The following CHODL variants were observed in gnomAD, a reference collection of about 807,000 sequenced individuals.
The protein encoded by CHODL is transmembrane protein MT75.
In CHODL, 29 loss-of-function variants were observed where a neutral mutation model predicts 34.5. The observed-to-expected ratio is 0.84, with a 90% CI of 0.63 to 1.15. The LOEUF (loss-of-function observed/expected upper bound fraction) is 1.15, where lower values mean the gene tolerates loss of function less well. Among genes scored for constraint, CHODL ranks in the 50% most tolerant of loss-of-function variants. The pLI is 0.00. For missense variants in CHODL, 332 were observed against 332.5 expected (o/e 1.00, Z 0.01); for synonymous variants, 125 against 116.1 (o/e 1.08, Z -0.49).
intron 2 of CHODL, among the ~76,000 whole-genome samples, chr21:18,059,435 C>T (rs989538865): frequency 6.8e-4 from 103 of 151,650 alleles, no homozygotes; most frequent in African/African-American, 2.4e-3. Flanking sequence ...CAGATGTCAG[C>T]TTTTTCATTT....
At chr21:18,013,772 C>A (rs2064043964) in intron 1 of CHODL, among the ~76,000 whole-genome samples, 1 of 151,242 alleles carries the variant, frequency 6.6e-6, no homozygotes, top group African/African-American at 2.4e-5. Context: ...GTAGCTGGGA[C>A]TACAGGCGTG....
chr21:18,194,736 C>CGT (rs1184473127), intron 2 of CHODL, among the ~76,000 whole-genome samples: 1 of 151,932 alleles, frequency 6.6e-6, no homozygotes, highest in African/African-American at 2.4e-5. Context: ...TATCTATCAC[C>CGT]TTACATACTT....
At chr21:18,231,181 T>G (rs934846212) in intron 2 of CHODL, among the ~76,000 whole-genome samples, 1 of 152,128 alleles carries the variant, frequency 6.6e-6, no homozygotes, top group Non-Finnish European at 1.5e-5. Context: ...CTAGTCAATG[T>G]TATAACAAAG....
At chr21:18,182,341 A>AG (rs1484148956) in intron 2 of CHODL, among the ~76,000 whole-genome samples, 1 of 152,246 alleles carries the variant, frequency 6.6e-6, no homozygotes, top group Non-Finnish European at 1.5e-5. Context: ...GCCTGGCTCT[A>AG]GCTGGCTCTA....
At chr21:18,240,564 G>A (rs1444407466), upstream of CHODL, among the ~76,000 whole-genome samples, 1 of 152,108 alleles carries the variant, frequency 6.6e-6, no homozygotes, top group African/African-American at 2.4e-5. Context: ...AGGCAAAGAT[G>A]ACTTTAGCTT....
intron 1 of CHODL, among the ~76,000 whole-genome samples, chr21:17,975,525 A>G (rs1028743333): frequency 1.5e-4 from 23 of 152,108 alleles, no homozygotes; most frequent in African/African-American, 5.6e-4. Context: ...ATTTTTCTAC[A>G]TCATACCATG....
At chr21:17,991,486 ATAG>A (rs1461795885) in intron 1 of CHODL, among the ~76,000 whole-genome samples, 3 of 151,842 alleles carry the variant, frequency 2.0e-5, no homozygotes, top group Non-Finnish European at 4.4e-5. Context: ...TGTCTTTTTG[ATAG>A]TAGCCATGCC....
In CHODL at chr21:18,070,025, T is replaced by TTCCCTTCCC. The variant is rs1555860424; in HGVS notation, c.-45+42054_-45+42055insTCCCTTCCC. ...TTCCCTTCCCTTCCCTTCCCTTCCC[T>TTCCCTTCCC]CCCCCCCCCCACCCATTTCCTTTGC... On this transcript the variant is annotated intron_variant, in intron 2 of 6. Coordinates refer to the CHODL transcript ENST00000400127. Among the ~76,000 whole-genome samples the TTCCCTTCCC allele has an allele frequency of 1.8e-3, 52 of 29,088 alleles. 1 individual carries two copies. The highest frequency in any genetic ancestry group is 4.2e-3 in the Non-Finnish European group (42 of 9,902). 19.1% of individuals were successfully genotyped at this position (29,088 alleles called of 152,430 possible).
intron 1 of CHODL, among the ~76,000 whole-genome samples, chr21:17,998,755 A>G (rs1474325966): frequency 1.3e-4 from 20 of 152,178 alleles, no homozygotes; most frequent in Admixed American, 1.2e-3. Context: ...ATAGAGCACC[A>G]TGTCTCTAGG....
At chr21:18,102,341 C>G (rs1457554011) in intron 2 of CHODL, among the ~76,000 whole-genome samples, 1 of 152,146 alleles carries the variant, frequency 6.6e-6, no homozygotes, top group Admixed American at 6.6e-5. Flanking sequence ...CAGTAAGTTA[C>G]TACAGTCCAC....
intron 2 of CHODL, among the ~76,000 whole-genome samples, chr21:18,049,927 C>T (rs2064493042): frequency 6.6e-6 from 1 of 152,004 alleles, no homozygotes; most frequent in African/African-American, 2.4e-5. Flanking sequence ...TGTTGAGCTT[C>T]TCTTAGTCAT....
intron 2 of CHODL, among the ~76,000 whole-genome samples, chr21:18,064,008 T>G (rs2064700932): frequency 6.6e-6 from 1 of 152,214 alleles, no homozygotes; most frequent in African/African-American, 2.4e-5. Context: ...TGCTTTCACC[T>G]CATACATCTA....
intron 2 of CHODL, among the ~76,000 whole-genome samples, chr21:18,078,968 GCTT>G (rs2064901058): frequency 6.6e-6 from 1 of 152,096 alleles, no homozygotes; most frequent in Admixed American, 6.6e-5. Context: ...ATGCTACATG[GCTT>G]CTTTTTATTT....
At chr21:18,210,418 A>G (rs977807788) in intron 2 of CHODL, among the ~76,000 whole-genome samples, 1 of 151,830 alleles carries the variant, frequency 6.6e-6, no homozygotes, top group African/African-American at 2.4e-5. Flanking sequence ...CTCTTCAGTG[A>G]CTCCTTCAGC....
intron 1 of CHODL, among the ~76,000 whole-genome samples, chr21:17,935,040 T>C (rs1461293941): frequency 6.6e-6 from 1 of 152,174 alleles, no homozygotes; most frequent in African/African-American, 2.4e-5. Context: ...GCAAATATCA[T>C]GAGAGAATAT....
chr21:17,993,409 C>T (rs570249935), intron 1 of CHODL, among the ~76,000 whole-genome samples: 39 of 152,246 alleles, frequency 2.6e-4, no homozygotes, highest in Non-Finnish European at 4.4e-4. Flanking sequence ...CTGTTGTTCT[C>T]CTCTGTGTGT....
At chr21:18,018,771 C>G (rs2064099712) in intron 1 of CHODL, among the ~76,000 whole-genome samples, 5 of 152,090 alleles carry the variant, frequency 3.3e-5, no homozygotes. Flanking sequence ...GGGAAAAGCC[C>G]CAATTATTTT....
At chr21:18,193,793 A>G (rs2146695984) in intron 2 of CHODL, among the ~76,000 whole-genome samples, 1 of 152,040 alleles carries the variant, frequency 6.6e-6, no homozygotes, top group African/African-American at 2.4e-5. Flanking sequence ...CAGCTAGTAA[A>G]CTCATCATTC....
At chr21:18,232,891 G>C (rs2073992759) in intron 2 of CHODL, among the ~76,000 whole-genome samples, 1 of 143,658 alleles carries the variant, frequency 7.0e-6, no homozygotes, top group Non-Finnish European at 1.5e-5. Context: ...TAATTATGGG[G>C]TCCATATAAT....
Sources: gnomAD v4.1 joint callset for allele counts (sites outside exome capture counted in the v4.1 genomes callset) on GRCh38, gnomAD v4.1.1 for gene constraint, MANE v1.5 for transcripts, NCBI Gene and HGNC (gene_info 2026-07-23, HGNC 2026-07-21) for gene names.